COL27A1: variants seen among roughly 807,000 people sequenced by gnomAD.
The protein encoded by COL27A1 is collagen type XXVII alpha 1 chain.
A neutral mutation model predicts 251.3 loss-of-function variants in COL27A1; 106 were observed. The ratio of observed to expected loss-of-function variants is 0.42; its 90% CI spans 0.36 to 0.50. COL27A1 has a LOEUF of 0.50. Among genes scored for constraint, COL27A1 ranks in the 20% least tolerant of loss-of-function variants. The probability of loss-of-function intolerance (pLI) is 0.00; values close to 1 mark genes in which losing one functional copy is unlikely to be tolerated. For missense variants in COL27A1, 2,325 were observed against 2,522.8 expected (o/e 0.92, Z 1.68); for synonymous variants, 1,000 against 986.3 (o/e 1.01, Z -0.26).
chr9:114,187,321 T>C (rs1045708079), intron 5 of COL27A1, among the ~76,000 whole-genome samples: 2 of 152,230 alleles, frequency 1.3e-5, no homozygotes. Flanking sequence ...AAGGAAAATA[T>C]GGAGAAGTCC....
At chr9:114,203,139 T>G (rs1829689735) in intron 7 of COL27A1, among the ~76,000 whole-genome samples, 1 of 152,166 alleles carries the variant, frequency 6.6e-6, no homozygotes, top group Non-Finnish European at 1.5e-5. Context: ...TTATTTTTGT[T>G]TGCTTTGTTT....
In COL27A1 at chr9:114,258,531, C is replaced by T. The variant is rs750140408; in HGVS notation, c.3142-10C>T. The T allele has an allele frequency of 1.2e-6, 2 of 1,613,218 alleles. No homozygotes were observed. Among genetic ancestry groups the T allele is most frequent in the Non-Finnish European group, 1.7e-6 (2 of 1,179,706 alleles). Reference sequence around the variant, plus strand: ...AAGGGGCCTCTCCAAACTCTTTCTCCTCTTCCCAGGGTCCTCCAGGATCTC... The same window carrying T: ...AAGGGGCCTCTCCAAACTCTTTCTCTTCTTCCCAGGGTCCTCCAGGATCTC... On this transcript the variant is annotated splice_polypyrimidine_tract_variant and intron_variant, in intron 27 of 60. Coordinates refer to ENST00000356083, the MANE Select transcript of COL27A1 (RefSeq NM_032888.4).
At chr9:114,275,515 T>G in intron 36 of COL27A1, 146 bp from the exon 37 acceptor site, 1 of 581,188 alleles carries the variant, frequency 1.7e-6, no homozygotes, top group Non-Finnish European at 3.0e-6. Flanking sequence ...GCACCCTGCC[T>G]TTTTGGCTGC....
At chr9:114,209,245 T>C (rs946262102) in intron 10 of COL27A1, among the ~76,000 whole-genome samples, 1 of 152,168 alleles carries the variant, frequency 6.6e-6, no homozygotes, top group African/African-American at 2.4e-5. Context: ...GAGGTGGATG[T>C]AAGCCCTACA....
chr9:114,179,130 C>A (rs1166237181), intron 4 of COL27A1, among the ~76,000 whole-genome samples: 1 of 152,220 alleles, frequency 6.6e-6, no homozygotes, highest in African/African-American at 2.4e-5. Flanking sequence ...CAGCCTTTCC[C>A]ACGCTGGGTG....
intron 5 of COL27A1, among the ~76,000 whole-genome samples, chr9:114,193,744 A>G (rs1236732749): frequency 6.6e-6 from 1 of 152,132 alleles, no homozygotes; most frequent in African/African-American, 2.4e-5. Context: ...CCTCATGTAG[A>G]GACCCATGAA....
At chr9:114,273,422 C>G (rs926656698) in intron 36 of COL27A1, 1 of 152,490 alleles carries the variant, frequency 6.6e-6, no homozygotes, top group Admixed American at 6.5e-5. Context: ...CTCTGGACCG[C>G]TCCATTGGAA....
chr9:114,178,639 T>C (rs1588596401), intron 4 of COL27A1, among the ~76,000 whole-genome samples: 1 of 152,226 alleles, frequency 6.6e-6, no homozygotes, highest in South Asian at 2.1e-4. Flanking sequence ...CTTCGGCTGG[T>C]GAGCTTCAGT....
chr9:114,166,289 A>G (rs1285367436), intron 2 of COL27A1, among the ~76,000 whole-genome samples: 2 of 150,146 alleles, frequency 1.3e-5, no homozygotes, highest in African/African-American at 2.5e-5. Context: ...CCATCCATCC[A>G]TCTATTCATC....
chr9:114,272,207 A>AGAG (rs1835197922), intron 36 of COL27A1: 2 of 152,224 alleles, frequency 1.3e-5, no homozygotes, highest in Non-Finnish European at 2.9e-5. Context: ...CCCAAGCTTG[A>AGAG]TACATTACCA....
At chr9:114,208,782 G>A (rs374535089) in intron 10 of COL27A1, among the ~76,000 whole-genome samples, 18 of 152,262 alleles carry the variant, frequency 1.2e-4, no homozygotes, top group African/African-American at 4.1e-4. Context: ...GGATGGGGGG[G>A]AGAGATTGCT....
At chr9:114,208,518 A>G (rs1180929310) in intron 10 of COL27A1, among the ~76,000 whole-genome samples, 3 of 152,350 alleles carry the variant, frequency 2.0e-5, no homozygotes, top group Admixed American at 2.0e-4. Flanking sequence ...GATGGAATAA[A>G]TGCTTTAATA....
intron 5 of COL27A1, among the ~76,000 whole-genome samples, chr9:114,189,772 T>C (rs1189741444): frequency 6.6e-6 from 1 of 152,208 alleles, no homozygotes; most frequent in African/African-American, 2.4e-5. Context: ...ATTCTCCCCA[T>C]TATATTTTCT....
chr9:114,285,694 C>T (rs185068288), intron 41 of COL27A1, among the ~76,000 whole-genome samples: 13 of 152,326 alleles, frequency 8.5e-5, no homozygotes, highest in East Asian at 3.9e-4. Flanking sequence ...CCGCCCCAGC[C>T]GATTCCACAG....
intron 41 of COL27A1, among the ~76,000 whole-genome samples, chr9:114,286,079 C>T (rs2131606086): frequency 6.6e-6 from 1 of 152,294 alleles, no homozygotes; most frequent in East Asian, 1.9e-4. Context: ...CTCCAGCTCT[C>T]CAACAGGTAC....
At position 114,242,209 on chromosome 9, in the gene COL27A1, C is replaced by A; in HGVS notation, c.2858C>A (p.Pro953Gln). 1 of 1,608,500 alleles carries A rather than the reference C, an allele frequency of 6.2e-7. No homozygotes were observed. The highest frequency in any genetic ancestry group is 1.1e-5 in the South Asian group (1 of 90,212). The change falls in exon 22 of 61, where the codon CCG (proline) becomes CAG (glutamine). Residue 953 changes from proline (P) to glutamine (Q), a missense_variant. Around this residue, in one of 4 missense-constraint regions of COL27A1, gnomAD observed 662 missense variants for 795.3 expected, o/e 0.83. Transcript: ENST00000356083. ...GPEGDEGPMG[P>Q]PGAPGLEGQP... ...TAGGGAGATGAGGGACCCATGGGGC[C>A]GCCAGGGGCCCCTGGCTTGGAGGTG...
At chr9:114,161,291 C>G in intron 1 of COL27A1, among the ~76,000 whole-genome samples, 1 of 152,158 alleles carries the variant, frequency 6.6e-6, no homozygotes, top group African/African-American at 2.4e-5. Flanking sequence ...CATCCCTCAC[C>G]TCTTATTGGC....
chr9:114,302,565 A>G (rs548836174), intron 56 of COL27A1, among the ~76,000 whole-genome samples: 6 of 152,082 alleles, frequency 3.9e-5, no homozygotes, highest in Non-Finnish European at 5.9e-5. Context: ...TGTCTCTACT[A>G]AAAATACTTA....
rs145188696 is a variant in COL27A1, at chr9:114,219,151, C to T, written c.2368-640C>T. Among the ~76,000 whole-genome samples, 1,141 of 152,252 alleles carry T rather than the reference C, an allele frequency of 7.5e-3. 4 individuals are homozygous for T. The highest frequency in any genetic ancestry group is 0.02 in the Middle Eastern group (6 of 294). On this transcript the variant is annotated intron_variant, in intron 12 of 60. Coordinates refer to ENST00000356083, the MANE Select transcript of COL27A1 (RefSeq NM_032888.4). Reference sequence around the variant, plus strand: ...CTGCCTATCTCCCCAGAGCGTGGAGCGGCCTCCAGAGTGGGGTCAGGGATG... The same window carrying T: ...CTGCCTATCTCCCCAGAGCGTGGAGTGGCCTCCAGAGTGGGGTCAGGGATG...
Sources: gnomAD v4.1 joint callset for allele counts (sites outside exome capture counted in the v4.1 genomes callset) on GRCh38, gnomAD v4.1.1 for gene constraint, gnomAD v4.1.1 regional missense constraint, MANE v1.5 for transcripts, NCBI Gene and HGNC (gene_info 2026-07-23, HGNC 2026-07-21) for gene names.